The following HGS variants were observed in gnomAD, a reference collection of about 807,000 sequenced individuals.
HGS encodes hepatocyte growth factor-regulated tyrosine kinase substrate, also known as human growth factor-regulated tyrosine kinase substrate.
In HGS, 63 loss-of-function variants were observed where a neutral mutation model predicts 109.7. The observed-to-expected ratio is 0.57, with a 90% CI of 0.47 to 0.71. HGS has a LOEUF of 0.71. Among genes scored for constraint, HGS ranks in the 30% least tolerant of loss-of-function variants. The probability of loss-of-function intolerance (pLI) is 0.00; values close to 1 mark genes in which losing one functional copy is unlikely to be tolerated. For missense variants in HGS, 995 were observed against 1,068.3 expected, an observed-to-expected ratio of 0.93 and a Z score of 0.96; for synonymous variants, 546 against 437.3, an observed-to-expected ratio of 1.25 and a Z score of -3.10.
chr17:81,694,733 C>T lies in HGS; in HGVS notation c.937-82C>T. The T allele has an allele frequency of 4.5e-6, 7 of 1,557,606 alleles. No homozygotes were observed. In the South Asian group the frequency reaches 6.7e-5, roughly 15 times the overall value. On this transcript the variant is annotated intron_variant, in intron 11 of 21. Transcript: ENST00000329138. ...AGGCTGCGGCTCTGGTCTCCAGGATCTGTCGCACTGGGGACATCCCTGTCC... is the reference window on the plus strand; with the variant it reads ...AGGCTGCGGCTCTGGTCTCCAGGATTTGTCGCACTGGGGACATCCCTGTCC...
rs1382649952 is a variant in HGS at position 81,696,989 on chromosome 17, A to T, written c.1873A>T (p.Thr625Ser). 4 of 1,587,538 alleles carry T rather than the reference A, an allele frequency of 2.5e-6. No homozygotes were observed. Among genetic ancestry groups the T allele is most frequent in the Non-Finnish European group, 2.6e-6 (3 of 1,169,952 alleles). The change falls in exon 18 of 22, where the codon ACT becomes TCT. Residue 625 changes from threonine to serine, a missense_variant. This residue lies in a region of HGS where 326 missense variants were observed against 309.7 expected (regional missense o/e 1.05). Transcript: ENST00000329138. Reference protein sequence around the residue: ...AAGPYPSMPSTAADPSMVSAY... With the variant: ...AAGPYPSMPSSAADPSMVSAY... ...TGGCCCCTACCCCAGCATGCCCAGC[A>T]CTGCGGCTGGTAAGGACGGGTCGGG...
chr17:81,700,894 C>G, intron 20 of HGS, 80 bp downstream of exon 20: 1 of 1,566,872 alleles, frequency 6.4e-7, no homozygotes, highest in Non-Finnish European at 8.7e-7. Flanking sequence ...GTGAGGCTGG[C>G]AGGCACTGGG....
chr17:81,696,310 C>G, intron 15 of HGS, 47 bp from the exon 16 acceptor site: 5 of 1,482,610 alleles, frequency 3.4e-6, no homozygotes, highest in Non-Finnish European at 4.5e-6. Context: ...AGGAGCTTCT[C>G]GGCACTGTGC....
At chr17:81,686,868 C>T in intron 3 of HGS, 135 bp from the exon 4 acceptor site, 1 of 680,308 alleles carries the variant, frequency 1.5e-6, no homozygotes, top group East Asian at 2.7e-5. Flanking sequence ...TCTGCTGTCC[C>T]ACCGGGTTCC....
In HGS at chr17:81,691,836, G is replaced by T. The variant is rs1320881105; in HGVS notation, c.662+265G>T. On this transcript the variant is annotated intron_variant, in intron 8 of 21. Transcript: ENST00000329138. The surrounding 1 kb of genome is among the most constrained non-coding windows in gnomAD (Gnocchi z 5.3). ...ACCTGTTGCTTGGGTTTGGGTTTGG[G>T]TTTGTTTGCATTTCAACTTTCGGAA... 7.7e-6 allele frequency: 3 copies of T among 389,668 alleles called. No individual in the cohort carries two copies. The highest frequency in any genetic ancestry group is 1.4e-5 in the Non-Finnish European group (3 of 211,334). 24.1% of individuals were successfully genotyped at this position (389,668 alleles called of 1,614,324 possible). A position where few individuals can be genotyped will look rare whatever the true frequency, so the allele number is the denominator to read the frequency against.
intron 5 of HGS, among the ~76,000 whole-genome samples, chr17:81,689,752 G>C (rs945029045): frequency 6.6e-6 from 1 of 152,196 alleles, no homozygotes; most frequent in African/African-American, 2.4e-5. Flanking sequence ...TTGGGGTGGT[G>C]GATGCTGGTG....
At chr17:81,697,167 C>T in intron 18 of HGS, 169 bp downstream of exon 18, 2 of 730,902 alleles carry the variant, frequency 2.7e-6, no homozygotes, top group Admixed American at 3.1e-5. Context: ...ACAGGCTTTC[C>T]TGCTGGAGCC....
Position 81,693,748 on chromosome 17 carries a change from G to A in HGS, c.836G>A (p.Arg279Lys). The part of the protein sequence containing the change: ...LSQSEAEEKE[R>K]LRQKSTYTSY... ...CAGTCAGAGGCGGAGGAGAAGGAGA[G>A]GCTGGTAAGCCGGGTGGGGCGGGGC... is the stretch of plus-strand genomic sequence containing the variant. Residue 279 changes from arginine to lysine, a missense_variant, in exon 10 of 22, where the codon AGG becomes AAG. Physicochemically the swap from Arg to Lys is conservative, Grantham distance 26 (BLOSUM62 2). This residue lies in a region of HGS where 300 missense variants were observed against 235.4 expected (regional missense o/e 1.27). Transcript: ENST00000329138. 3.2e-6 allele frequency: 5 copies of A among 1,551,068 alleles called. No homozygotes were observed. Among genetic ancestry groups the A allele is most frequent in the Non-Finnish European group, 4.3e-6 (5 of 1,150,248 alleles).
chr17:81,696,292 T>C (rs955903179), intron 15 of HGS, 65 bp from the exon 16 acceptor site: 17 of 1,462,564 alleles, frequency 1.2e-5, no homozygotes, highest in Admixed American at 5.5e-5. Flanking sequence ...TGCGTGTCCG[T>C]TCCACCCAGG....
chr17:81,700,433 G>A lies in HGS; in HGVS notation c.1883-34G>A. ...CCCTTCCTCTCCTCCCTGTTGCCCT[G>A]GCTGAACCATCTCCCCTGTCTTGTT... On this transcript the variant is annotated intron_variant, in intron 18 of 21. Transcript: ENST00000329138. The A allele has an allele frequency of 2.0e-6, 3 of 1,513,836 alleles. No individual in the cohort carries two copies. In the South Asian group the frequency reaches 3.9e-5, roughly 20 times the overall value. The allele number at this position is 1,513,836 out of a possible 1,614,324, so 93.8% of individuals were successfully genotyped here. A position where few individuals can be genotyped will look rare whatever the true frequency, so the allele number is the denominator to read the frequency against.
chr17:81,689,906 G>A (rs1465779050), intron 5 of HGS, among the ~76,000 whole-genome samples: 3 of 152,152 alleles, frequency 2.0e-5, no homozygotes, highest in Non-Finnish European at 2.9e-5. Context: ...CACTCAGCAG[G>A]CGGGGCCACG....
Position 81,696,410 on chromosome 17 carries a change from G to T in HGS, c.1447G>T (p.Ala483Ser). 1 of 1,582,356 alleles carries T rather than the reference G, an allele frequency of 6.3e-7. No individual in the cohort carries two copies. Among genetic ancestry groups the T allele is most frequent in the Non-Finnish European group, 8.6e-7 (1 of 1,167,062 alleles). Residue 483 changes from alanine to serine, a missense_variant, in exon 16 of 22, where the codon GCG becomes TCG. Ala to Ser is a moderately conservative substitution (Grantham distance 99). This residue lies in a region of HGS where 163 missense variants were observed against 217.8 expected (regional missense o/e 0.75). Coordinates refer to ENST00000329138, the MANE Select transcript of HGS (RefSeq NM_004712.5). ...KLAQIRDARG[A>S]LSALREEHRE... The stretch of plus-strand genomic sequence containing the variant: ...GGCACAGATCCGCGATGCCCGGGGG[G>T]CGCTGAGTGCCCTGCGCGAAGAGCA...
chr17:81,688,822 T>C lies in HGS; in HGVS notation c.410T>C (p.Val137Ala). 3 of 1,613,634 alleles carry C rather than the reference T, an allele frequency of 1.9e-6. No individual in the cohort carries two copies. The highest frequency in any genetic ancestry group is 2.5e-6 in the Non-Finnish European group (3 of 1,179,864). Residue 137 changes from valine to alanine, a missense_variant, in exon 5 of 22, where the codon GTG becomes GCG. Val to Ala is a moderately conservative substitution (Grantham distance 64). Transcript: ENST00000329138. ...VVQDTYQIMK[V>A]EGHVFPEFKE... Reference sequence around the variant, plus strand: ...CAGGACACCTACCAGATCATGAAGGTGGAGGGTGAGTCAGGACTGAGGTTG... The same window carrying C: ...CAGGACACCTACCAGATCATGAAGGCGGAGGGTGAGTCAGGACTGAGGTTG...
At chr17:81,686,278 T>G (rs1366091619) in intron 2 of HGS, 34 bp from the exon 3 acceptor site, 1 of 1,584,894 alleles carries the variant, frequency 6.3e-7, no homozygotes, top group Admixed American at 1.7e-5. Flanking sequence ...TTTTTTCCCG[T>G]TTTTCTCTGC....
At position 81,691,819 on chromosome 17, in the gene HGS, CTTGGGT is replaced by C. The variant is rs1268292285; in HGVS notation, c.662+264_662+269del. On this transcript the variant is annotated intron_variant, in intron 8 of 21. Coordinates refer to ENST00000329138, the MANE Select transcript of HGS (RefSeq NM_004712.5). The surrounding 1 kb of genome is among the most constrained non-coding windows in gnomAD (Gnocchi z 5.3). Reference sequence around the variant, plus strand: ...CGAGGCTGCCCCGACAAACCTGTTGCTTGGGTTTGGGTTTGGGTTTGTTTGCATTTC... The same window carrying C: ...CGAGGCTGCCCCGACAAACCTGTTGCTTGGGTTTGGGTTTGTTTGCATTTC... 9.0e-6 allele frequency: 4 copies of C among 445,908 alleles called. No individual in the cohort carries two copies. The highest frequency in any genetic ancestry group is 3.3e-5 in the South Asian group (1 of 30,378). The allele number at this position is 445,908 out of a possible 1,614,324, so 27.6% of individuals were successfully genotyped here.
rs775456886 is a variant in HGS, at chr17:81,694,930, C to T, written c.982C>T (p.Arg328Trp). The change falls in exon 13 of 22, where the codon CGG (arginine) becomes TGG (tryptophan). Residue 328 changes from arginine (R) to tryptophan (W), a missense_variant. Around this residue, in one of 6 missense-constraint regions of HGS, gnomAD observed 300 missense variants for 235.4 expected, o/e 1.27. Coordinates refer to ENST00000329138, the MANE Select transcript of HGS (RefSeq NM_004712.5). ...LAEDIDPELA[R>W]YLNRNYWEKK... ...ACCCCCTCATTGCCTGCAGCTCGCA[C>T]GGTATCTCAACCGGAACTACTGGGA... 40 of 1,614,096 alleles carry T rather than the reference C, an allele frequency of 2.5e-5. No homozygotes were observed. Among genetic ancestry groups the T allele is most frequent in the African/African-American group, 8.0e-5 (6 of 74,942 alleles).
At chr17:81,685,716 T>C in intron 2 of HGS, 27 bp downstream of exon 2, 2 of 1,585,520 alleles carry the variant, frequency 1.3e-6, no homozygotes, top group South Asian at 2.2e-5. Flanking sequence ...TGTGCCCTGA[T>C]GCGGAGGAGC....
intron 15 of HGS, 142 bp from the exon 16 acceptor site, chr17:81,696,215 C>A: frequency 8.6e-7 from 1 of 1,164,426 alleles, no homozygotes; most frequent in African/African-American, 1.6e-5. Context: ...GGACCCTCTG[C>A]CTGCCTCCCC....
intron 15 of HGS, 28 bp from the exon 16 acceptor site, chr17:81,696,329 T>C: frequency 6.5e-7 from 1 of 1,530,580 alleles, no homozygotes; most frequent in Non-Finnish European, 8.8e-7. Context: ...GCCGGAGTGG[T>C]CAGGGTTGCT....
Sources: gnomAD v4.1 joint callset for allele counts (sites outside exome capture counted in the v4.1 genomes callset) on GRCh38, gnomAD v4.1.1 for gene constraint, gnomAD v4.1.1 regional missense constraint, Gnocchi (gnomAD v3.1) non-coding constraint, MANE v1.5 for transcripts, NCBI Gene and HGNC (gene_info 2026-07-23, HGNC 2026-07-21) for gene names.